The following JAK1 variants were observed in gnomAD, a reference collection of about 807,000 sequenced individuals.
JAK1 encodes the protein tyrosine-protein kinase JAK1.
In JAK1, 16 loss-of-function variants were observed where a neutral mutation model predicts 136.6. That is an observed-to-expected ratio of 0.12 (90% confidence interval 0.08 to 0.18). The LOEUF (loss-of-function observed/expected upper bound fraction) is 0.18, where lower values mean the gene tolerates loss of function less well. JAK1 is among the 10% of genes least tolerant of loss of function. The pLI, the probability that JAK1 is intolerant of heterozygous loss-of-function variation, is 1.00. For synonymous variants in JAK1, 492 were observed against 519.5 expected (o/e 0.95, Z 0.72); for missense variants, 859 against 1,450.1 (o/e 0.59, Z 6.62).
rs539337666 is a variant in JAK1, at chr1:64,983,363, C to T, written c.-78+61117G>A. ...ATGGTAACAGACATAGACAAGCATG[C>T]CGTGACCCTGAAGCAACAACACACG... On this transcript the variant is annotated intron_variant, in intron 2 of 25. Coordinates refer to the JAK1 transcript ENST00000671954. 3.9e-5 allele frequency among the ~76,000 whole-genome samples: 6 copies of T among 152,224 alleles called. No homozygotes were observed. In the South Asian group the frequency reaches 1.2e-3, roughly 32 times the overall value.
intron 12 of JAK1, among the ~76,000 whole-genome samples, chr1:64,848,417 T>C (rs148672218): frequency 7.9e-5 from 12 of 152,302 alleles, no homozygotes; most frequent in African/African-American, 2.9e-4. Flanking sequence ...AAATTAGTGG[T>C]GCAAAGTACA....
intron 20 of JAK1, among the ~76,000 whole-genome samples, chr1:64,839,099 TTG>T (rs1654708035): frequency 7.3e-5 from 10 of 137,242 alleles, no homozygotes; most frequent in African/African-American, 2.6e-4. Flanking sequence ...TGAGCCGAGA[TTG>T]CGCCACTGCA....
At chr1:64,839,953 A>G (rs1363398137) in intron 19 of JAK1, among the ~76,000 whole-genome samples, 158 bp from the exon 20 acceptor site, 1 of 152,216 alleles carries the variant, frequency 6.6e-6, no homozygotes, top group Non-Finnish European at 1.5e-5. Context: ...GTACTTGCTC[A>G]CTACAGCCCC....
chr1:65,019,569 G>T (rs968753800), intron 2 of JAK1, among the ~76,000 whole-genome samples: 1 of 151,378 alleles, frequency 6.6e-6, no homozygotes, highest in African/African-American at 2.4e-5. Context: ...GTGAAATAGG[G>T]TACCTACAGA....
At chr1:64,838,862 C>T (rs1036939936) in intron 20 of JAK1, among the ~76,000 whole-genome samples, 13 of 151,822 alleles carry the variant, frequency 8.6e-5, no homozygotes, top group South Asian at 2.1e-4. Flanking sequence ...CAAAAATTAT[C>T]GGGCTGGGCG....
At chr1:64,874,515 G>T (rs1265391856) in intron 4 of JAK1, among the ~76,000 whole-genome samples, 1 of 152,060 alleles carries the variant, frequency 6.6e-6, no homozygotes, top group African/African-American at 2.4e-5. Flanking sequence ...GTTATGCATG[G>T]ATTGTCAATT....
chr1:64,894,443 A>T (rs910534866), intron 1 of JAK1, among the ~76,000 whole-genome samples: 6 of 152,140 alleles, frequency 3.9e-5, no homozygotes, highest in Admixed American at 3.3e-4. Flanking sequence ...ATTGCCTCAA[A>T]ATGTAAGTTA....
intron 1 of JAK1, among the ~76,000 whole-genome samples, chr1:64,932,936 T>A (rs1257514142): frequency 6.6e-6 from 1 of 152,110 alleles, no homozygotes; most frequent in Non-Finnish European, 1.5e-5. Context: ...TTCTCCCAGT[T>A]AGAATTAAGC....
At chr1:64,912,303 C>G (rs980288056) in intron 1 of JAK1, among the ~76,000 whole-genome samples, 3 of 152,174 alleles carry the variant, frequency 2.0e-5, no homozygotes, top group African/African-American at 4.8e-5. Context: ...CCCTGACTCA[C>G]TAGCAACCAC....
Position 64,844,678 on chromosome 1 carries a change from C to A in JAK1, c.2251+76G>T. 1 of 1,576,866 alleles carries A rather than the reference C, an allele frequency of 6.3e-7. No homozygotes were observed. The highest frequency in any genetic ancestry group is 8.7e-7 in the Non-Finnish European group (1 of 1,149,694). ...AAATGACTCTCTAAAAGGAGACCAA[C>A]CCCAGCCCAGCCCTTCTCTCTGCTG... On this transcript the variant is annotated intron_variant, in intron 16 of 24. Coordinates refer to ENST00000342505, the MANE Select transcript of JAK1 (RefSeq NM_002227.4). The surrounding 1 kb of genome is among the most constrained non-coding windows in gnomAD (Gnocchi z 5.7).
At chr1:64,875,877 C>G (rs1475283302) in intron 4 of JAK1, 2 of 152,258 alleles carry the variant, frequency 1.3e-5, no homozygotes, top group Admixed American at 1.3e-4. Flanking sequence ...AAGGGTAGAA[C>G]AGAACACGTG....
chr1:64,937,457 G>A (rs1050455402), intron 1 of JAK1, among the ~76,000 whole-genome samples: 22 of 152,154 alleles, frequency 1.4e-4, no homozygotes, highest in African/African-American at 7.2e-5. Flanking sequence ...GTCCAACGCC[G>A]AGCATCTTTT....
At chr1:64,963,375 A>T (rs982876185) in intron 1 of JAK1, among the ~76,000 whole-genome samples, 9 of 152,272 alleles carry the variant, frequency 5.9e-5, no homozygotes, top group African/African-American at 2.2e-4. Context: ...AATTCTCCTT[A>T]TTGTTATGAT....
At chr1:64,929,014 C>T (rs540182201) in intron 1 of JAK1, among the ~76,000 whole-genome samples, 2 of 152,204 alleles carry the variant, frequency 1.3e-5, no homozygotes, top group East Asian at 3.9e-4. Context: ...GTAAATATGT[C>T]ACTGATTCTG....
At position 64,909,085 on chromosome 1, in the gene JAK1, G is replaced by A. The variant is rs116979372; in HGVS notation, c.-77-22744C>T. ...CTATCTAGCATTATGCTAGCTATCC[G>A]CCACATTTTTATTTCTCCTTCCTAC... On this transcript the variant is annotated intron_variant, in intron 1 of 24. Transcript: ENST00000342505. Among the ~76,000 whole-genome samples the A allele has an allele frequency of 5.3e-4, 80 of 152,324 alleles. No individual in the cohort carries two copies. The East Asian group carries it at 0.011, about 21-fold the overall frequency.
At chr1:64,869,168 T>C in intron 6 of JAK1, 143 bp downstream of exon 6, 2 of 694,446 alleles carry the variant, frequency 2.9e-6, no homozygotes, top group Admixed American at 2.4e-5. Flanking sequence ...TACGTGTATG[T>C]AGTAAACATT....
chr1:65,034,986 G>A (rs1647059995), intron 2 of JAK1, among the ~76,000 whole-genome samples: 1 of 152,106 alleles, frequency 6.6e-6, no homozygotes, highest in Non-Finnish European at 1.5e-5. Context: ...AACCTGGGAG[G>A]CGGAGGTTGC....
At chr1:64,971,200 G>A (rs974498598), upstream of JAK1, among the ~76,000 whole-genome samples, 26 of 152,226 alleles carry the variant, frequency 1.7e-4, no homozygotes, top group African/African-American at 6.3e-4. Flanking sequence ...CATATTATAT[G>A]TTTTCTTCCC....
intron 1 of JAK1, among the ~76,000 whole-genome samples, chr1:64,964,655 G>A (rs1489223696): frequency 6.6e-6 from 1 of 152,116 alleles, no homozygotes; most frequent in Non-Finnish European, 1.5e-5. Flanking sequence ...TGCAATCCTA[G>A]CAGTAAAAAA....
Sources: allele counts gnomAD v4.1 joint callset (sites outside exome capture counted in the v4.1 genomes callset), GRCh38; gene constraint gnomAD v4.1.1; non-coding constraint Gnocchi (gnomAD v3.1); transcripts MANE v1.5; gene names NCBI Gene and HGNC (gene_info 2026-07-23, HGNC 2026-07-21).